Variants in KCNB2 observed in about 807,000 individuals in gnomAD.
The protein encoded by KCNB2 is delayed rectifier potassium channel protein.
Under a neutral mutation model 61.5 loss-of-function variants are expected in KCNB2, and 15 were observed. The ratio of observed to expected loss-of-function variants is 0.24; its 90% CI spans 0.16 to 0.38. The LOEUF (loss-of-function observed/expected upper bound fraction) is 0.38, where lower values mean the gene tolerates loss of function less well. Ranked by LOEUF, KCNB2 falls within the 10% of genes least tolerant of loss-of-function variation. KCNB2 has a pLI of 1.00. For missense variants in KCNB2, 828 were observed against 1,125.2 expected, an observed-to-expected ratio of 0.74 and a Z score of 3.78; for synonymous variants, 457 against 446.0, an observed-to-expected ratio of 1.02 and a Z score of -0.31.
At chr8:72,805,955 G>A (rs1809212563) in intron 2 of KCNB2, among the ~76,000 whole-genome samples, 1 of 152,210 alleles carries the variant, frequency 6.6e-6, no homozygotes, top group Admixed American at 6.5e-5. Flanking sequence ...AGTCCTGGCT[G>A]TGACCTTGAG....
intron 1 of KCNB2, among the ~76,000 whole-genome samples, chr8:72,557,483 G>A (rs1445584265): frequency 1.3e-5 from 2 of 152,226 alleles, no homozygotes; most frequent in East Asian, 1.9e-4. Context: ...TCTTTCCTAG[G>A]ACATGAAATA....
intron 2 of KCNB2, among the ~76,000 whole-genome samples, chr8:72,689,899 T>C (rs773627051): frequency 1.3e-5 from 2 of 152,232 alleles, no homozygotes; most frequent in Non-Finnish European, 2.9e-5. Flanking sequence ...TTGCTACTTA[T>C]GAAATCTGTC....
intron 1 of KCNB2, among the ~76,000 whole-genome samples, chr8:72,545,505 C>T (rs1248446538): frequency 1.3e-5 from 2 of 152,124 alleles, no homozygotes; most frequent in Admixed American, 6.5e-5. Flanking sequence ...GAGTTGTGCC[C>T]ATATAAGATG....
chr8:72,568,156 A>G lies in KCNB2; in HGVS notation c.422A>G (p.Tyr141Cys). ...IYLESCCQAR[Y>C]HQKKEQMNEE... ...TTGGAGTCCTGCTGCCAGGCCAGATATCATCAAAAAAAAGAACAAATGAAC... is the reference window on the plus strand; with the variant it reads ...TTGGAGTCCTGCTGCCAGGCCAGATGTCATCAAAAAAAAGAACAAATGAAC... Residue 141 changes from tyrosine (Y) to cysteine (C), a missense_variant, in exon 2 of 3, where the codon TAT (tyrosine) becomes TGT (cysteine). Tyr to Cys is a radical substitution (Grantham distance 194, BLOSUM62 -2). This residue lies in a region of KCNB2 where 163 missense variants were observed against 314.4 expected (regional missense o/e 0.52). Transcript: ENST00000523207. 6.2e-7 allele frequency: 1 copy of G among 1,614,152 alleles called. No individual in the cohort carries two copies. The highest frequency in any genetic ancestry group is 8.5e-7 in the Non-Finnish European group (1 of 1,180,028).
intron 2 of KCNB2, among the ~76,000 whole-genome samples, chr8:72,577,218 A>G (rs1806809192): frequency 6.6e-6 from 1 of 152,142 alleles, no homozygotes; most frequent in African/African-American, 2.4e-5. Context: ...TTCTGTGTCT[A>G]CGGTGGCTGA....
chr8:72,705,072 G>A (rs527893524), intron 2 of KCNB2, among the ~76,000 whole-genome samples: 2 of 152,298 alleles, frequency 1.3e-5, no homozygotes, highest in East Asian at 1.9e-4. Flanking sequence ...GAAGCTGTGG[G>A]AGGTAATAAA....
At chr8:72,765,758 G>T (rs1340455910) in intron 2 of KCNB2, among the ~76,000 whole-genome samples, 1 of 152,168 alleles carries the variant, frequency 6.6e-6, no homozygotes, top group African/African-American at 2.4e-5. Flanking sequence ...AATCACCGTG[G>T]AGGACTTGTT....
chr8:72,575,483 T>C (rs1268397992), intron 2 of KCNB2, among the ~76,000 whole-genome samples: 3 of 152,148 alleles, frequency 2.0e-5, no homozygotes, highest in Non-Finnish European at 4.4e-5. Flanking sequence ...GCATATAATA[T>C]GAAACAAAAT....
intron 2 of KCNB2, among the ~76,000 whole-genome samples, chr8:72,789,549 C>T (rs1808901342): frequency 6.6e-6 from 1 of 152,032 alleles, no homozygotes; most frequent in African/African-American, 2.4e-5. Context: ...GAAGACAAAG[C>T]CGTGAAGGAA....
At chr8:72,642,274 A>G (rs1806067408) in intron 2 of KCNB2, among the ~76,000 whole-genome samples, 1 of 152,188 alleles carries the variant, frequency 6.6e-6, no homozygotes, top group South Asian at 2.1e-4. Flanking sequence ...TCAAACTGAT[A>G]ATGTTTTGGA....
intron 2 of KCNB2, among the ~76,000 whole-genome samples, chr8:72,754,963 C>T (rs1318801668): frequency 6.6e-6 from 1 of 152,142 alleles, no homozygotes; most frequent in African/African-American, 2.4e-5. Flanking sequence ...AGAAGCCTGA[C>T]ACACACCACC....
In KCNB2 at chr8:72,613,712, T is replaced by G. The variant is rs573198232; in HGVS notation, c.579+45399T>G. Among the ~76,000 whole-genome samples the G allele has an allele frequency of 7.5e-4, 114 of 152,260 alleles. 1 individual carries two copies. The highest frequency in any genetic ancestry group is 2.7e-3 in the African/African-American group (114 of 41,538). On this transcript the variant is annotated intron_variant, in intron 2 of 2. Coordinates refer to ENST00000523207, the MANE Select transcript of KCNB2 (RefSeq NM_004770.3). ...GACCATATTCACGCCTCCATTGTAG[T>G]CCCATTGTAAACCCCTGATGTGGTT...
intron 2 of KCNB2, among the ~76,000 whole-genome samples, chr8:72,931,389 A>G (rs538931305): frequency 6.6e-6 from 1 of 152,304 alleles, no homozygotes; most frequent in South Asian, 2.1e-4. Flanking sequence ...TACCTTGGGC[A>G]GTATGGCCAT....
chr8:72,752,151 G>A (rs1043991324), intron 2 of KCNB2, among the ~76,000 whole-genome samples: 1 of 152,096 alleles, frequency 6.6e-6, no homozygotes, highest in Admixed American at 6.6e-5. Flanking sequence ...AATAAATGGG[G>A]GAAGAATAGG....
intron 2 of KCNB2, among the ~76,000 whole-genome samples, chr8:72,585,237 T>G (rs1806985570): frequency 6.6e-6 from 1 of 152,136 alleles, no homozygotes; most frequent in Non-Finnish European, 1.5e-5. Flanking sequence ...TGCAATAAGT[T>G]TTGTACACAA....
chr8:72,910,241 C>T (rs1806263655), intron 2 of KCNB2, among the ~76,000 whole-genome samples: 1 of 152,160 alleles, frequency 6.6e-6, no homozygotes, highest in Admixed American at 6.5e-5. Flanking sequence ...TTGTAAGGCA[C>T]TTAGCCTCAA....
At chr8:72,767,223 C>T (rs991851948) in intron 2 of KCNB2, among the ~76,000 whole-genome samples, 4 of 152,258 alleles carry the variant, frequency 2.6e-5, no homozygotes, top group East Asian at 1.9e-4. Flanking sequence ...TACACTAATA[C>T]GTGCTAGTTC....
intron 2 of KCNB2, among the ~76,000 whole-genome samples, chr8:72,628,331 T>G (rs183492768): frequency 6.6e-6 from 1 of 152,110 alleles, no homozygotes; most frequent in Admixed American, 6.5e-5. Context: ...GGAATGTGTG[T>G]GTATGTGTGT....
chr8:72,679,605 C>T (rs1806719473), intron 2 of KCNB2, among the ~76,000 whole-genome samples: 8 of 152,122 alleles, frequency 5.3e-5, no homozygotes, highest in Admixed American at 5.2e-4. Flanking sequence ...CCAAATAAGC[C>T]TTGGAGTTTT....
Sources: allele counts gnomAD v4.1 joint callset (sites outside exome capture counted in the v4.1 genomes callset), GRCh38; gene constraint gnomAD v4.1.1; regional missense constraint gnomAD v4.1.1; transcripts MANE v1.5; gene names NCBI Gene and HGNC (gene_info 2026-07-23, HGNC 2026-07-21).